JMJD1C: variants seen among roughly 807,000 people sequenced by gnomAD.
The protein encoded by JMJD1C is jumonji domain-containing protein 1C.
In JMJD1C, 31 loss-of-function variants were observed where a neutral mutation model predicts 245.3. That is an observed-to-expected ratio of 0.13 (90% confidence interval 0.09 to 0.17). JMJD1C has a LOEUF of 0.17. Ranked by LOEUF, JMJD1C falls within the 10% of genes least tolerant of loss-of-function variation. JMJD1C has a pLI of 1.00. For missense variants in JMJD1C, 2,691 were observed against 3,000.2 expected (o/e 0.90, Z 2.41); for synonymous variants, 1,057 against 1,017.4 (o/e 1.04, Z -0.74).
At chr10:63,465,391 A>G in intron 1 of JMJD1C, 104 bp downstream of exon 1, 1 of 1,204,778 alleles carries the variant, frequency 8.3e-7, no homozygotes, top group Non-Finnish European at 1.1e-6. Flanking sequence ...CGTGACCGCC[A>G]GTTGGCCGGG....
chr10:63,196,693 C>T (rs1364897707), intron 13 of JMJD1C, among the ~76,000 whole-genome samples: 3 of 152,250 alleles, frequency 2.0e-5, no homozygotes, highest in Admixed American at 2.0e-4. Context: ...TATTAATCCT[C>T]TTATTTCATC....
At chr10:63,432,064 T>G (rs1950791311) in intron 1 of JMJD1C, among the ~76,000 whole-genome samples, 1 of 152,168 alleles carries the variant, frequency 6.6e-6, no homozygotes, top group African/African-American at 2.4e-5. Flanking sequence ...CTTGAGTTCT[T>G]GTTGTTTCAA....
At chr10:63,337,559 AAAAG>A (rs1942894502) in intron 2 of JMJD1C, among the ~76,000 whole-genome samples, 1 of 26,252 alleles carries the variant, frequency 3.8e-5, no homozygotes, top group Non-Finnish European at 6.3e-5. Flanking sequence ...ACAAGAAAAG[AAAAG>A]AAAAGAAAAG....
chr10:63,474,296 C>T (rs570572860), intron 1 of JMJD1C, among the ~76,000 whole-genome samples: 1 of 152,248 alleles, frequency 6.6e-6, no homozygotes, highest in South Asian at 2.1e-4. Context: ...TGCTGAGTCT[C>T]TCCTCAATCG....
At position 63,432,888 on chromosome 10, in the gene JMJD1C, T is replaced by C. The variant is rs1950845939; in HGVS notation, c.168+32607A>G. Among the ~76,000 whole-genome samples the C allele has an allele frequency of 2.0e-5, 3 of 152,202 alleles. No individual in the cohort carries two copies. The South Asian group carries it at 6.2e-4, about 32-fold the overall frequency. ...TGATGATCACAATGCTATGAACATT[T>C]CTTAATCTTTCATGACAATTCTAAG... On this transcript the variant is annotated intron_variant, in intron 1 of 25. Coordinates refer to ENST00000399262, the MANE Select transcript of JMJD1C (RefSeq NM_032776.3).
Position 63,485,489 on chromosome 10 carries a change from C to CT in JMJD1C, n.113+36248dup, listed in dbSNP as rs1172081688. Among the ~76,000 whole-genome samples, 9 of 152,226 alleles carry CT rather than the reference C, an allele frequency of 5.9e-5. No homozygotes were observed. The East Asian group carries it at 1.5e-3, about 26-fold the overall frequency. ...CCCTCTCCCCTTCAATGCTTTGTTT[C>CT]TTTTTTTCTAAGCATGTGTGACAGT... On this transcript the variant is annotated intron_variant and non_coding_transcript_variant, in intron 1 of 3. Coordinates refer to the JMJD1C transcript ENST00000633035.
intron 22 of JMJD1C, among the ~76,000 whole-genome samples, chr10:63,181,769 T>C (rs1292432549): frequency 1.3e-5 from 2 of 152,200 alleles, no homozygotes; most frequent in Non-Finnish European, 2.9e-5. Flanking sequence ...GAAAGCAGGT[T>C]AACTTCTAAG....
chr10:63,302,937 C>T (rs550077315), intron 2 of JMJD1C, among the ~76,000 whole-genome samples: 2 of 152,290 alleles, frequency 1.3e-5, no homozygotes, highest in African/African-American at 4.8e-5. Flanking sequence ...CAGAGTCTTA[C>T]TCTGTTGCCT....
intron 1 of JMJD1C, among the ~76,000 whole-genome samples, chr10:63,387,749 C>A (rs1266987832): frequency 5.6e-5 from 8 of 143,470 alleles, no homozygotes; most frequent in Non-Finnish European, 9.0e-5. Flanking sequence ...CATTCTCCTG[C>A]CTCAGCCTCC....
At chr10:63,511,843 C>T (rs934864610) in intron 1 of JMJD1C, among the ~76,000 whole-genome samples, 8 of 152,192 alleles carry the variant, frequency 5.3e-5, no homozygotes, top group African/African-American at 1.9e-4. Context: ...TTTTGGTATA[C>T]TCAAGGAGCC....
chr10:63,168,204 G>A, intron 25 of JMJD1C, 70 bp from the exon 26 acceptor site: 2 of 1,241,222 alleles, frequency 1.6e-6, no homozygotes, highest in Non-Finnish European at 2.3e-6. Context: ...ACAACTTCCA[G>A]ATTTAAAAAA....
In JMJD1C at chr10:63,263,980, A is replaced by ACT. The variant is rs1376573693; in HGVS notation, c.447+670_447+671insAG. Among the ~76,000 whole-genome samples, 286 of 131,636 alleles carry ACT rather than the reference A, an allele frequency of 2.2e-3. 2 individuals carry two copies. The highest frequency in any genetic ancestry group is 3.6e-3 in the Non-Finnish European group (221 of 60,804). 86.4% of individuals were successfully genotyped at this position (131,636 alleles called of 152,430 possible). On this transcript the variant is annotated intron_variant, in intron 3 of 25. Coordinates refer to ENST00000399262, the MANE Select transcript of JMJD1C (RefSeq NM_032776.3). ...CACATACACACACACACACACACACACACACACACACACACACACACACAC... is the reference window on the plus strand; with the variant it reads ...CACATACACACACACACACACACACACTCACACACACACACACACACACACAC...
At position 63,215,686 on chromosome 10, in the gene JMJD1C, G is replaced by A. The variant is rs1355104675; in HGVS notation, c.689C>T (p.Pro230Leu). 6.3e-7 allele frequency: 1 copy of A among 1,585,060 alleles called. No homozygotes were observed. Reference protein sequence around the residue: ...MIVMNDQVLEPQNVDPSMVQM... With the variant: ...MIVMNDQVLELQNVDPSMVQM... ...AACCATAGAAGGATCGACATTCTGT[G>A]GTTCTAGTACCTAATCCATGATACA... Residue 230 changes from proline (P) to leucine (L), a missense_variant, in exon 6 of 26, where the codon CCA becomes CTA. Transcript: ENST00000399262.
intron 1 of JMJD1C, among the ~76,000 whole-genome samples, chr10:63,503,900 ATT>A (rs1257628925): frequency 2.6e-5 from 4 of 152,176 alleles, no homozygotes; most frequent in Non-Finnish European, 5.9e-5. Flanking sequence ...GATGTGGATC[ATT>A]TTGATAGATT....
chr10:63,324,292 C>T (rs1941268873), intron 2 of JMJD1C, among the ~76,000 whole-genome samples: 1 of 151,756 alleles, frequency 6.6e-6, no homozygotes. Flanking sequence ...ACAGAGAAAC[C>T]AAGGTTCAGA....
intron 2 of JMJD1C, among the ~76,000 whole-genome samples, chr10:63,297,665 C>G (rs1055124307): frequency 2.6e-5 from 4 of 152,098 alleles, no homozygotes; most frequent in Non-Finnish European, 5.9e-5. Context: ...CCAGAGCTTC[C>G]GTAACACTAC....
intron 1 of JMJD1C, among the ~76,000 whole-genome samples, chr10:63,435,030 G>C (rs1185130047): frequency 6.6e-6 from 1 of 152,174 alleles, no homozygotes; most frequent in Non-Finnish European, 1.5e-5. Context: ...CATTGTCTGC[G>C]AAATAGCCTA....
chr10:63,403,633 T>A (rs1177907325), intron 1 of JMJD1C, among the ~76,000 whole-genome samples: 4 of 152,184 alleles, frequency 2.6e-5, no homozygotes, highest in Admixed American at 1.3e-4. Flanking sequence ...CTTTCTTTTT[T>A]CCAACTTAAA....
chr10:63,414,507 G>A (rs992715051), intron 1 of JMJD1C, among the ~76,000 whole-genome samples: 1 of 151,982 alleles, frequency 6.6e-6, no homozygotes, highest in Non-Finnish European at 1.5e-5. Context: ...TGTGAGCACC[G>A]TGCTCAAAAG....
Sources: gnomAD v4.1 joint callset for allele counts (sites outside exome capture counted in the v4.1 genomes callset) on GRCh38, gnomAD v4.1.1 for gene constraint, MANE v1.5 for transcripts, NCBI Gene and HGNC (gene_info 2026-07-23, HGNC 2026-07-21) for gene names.